Variants in RALYL observed in about 807,000 individuals in gnomAD.
The protein encoded by RALYL is RALY RNA binding protein like, also known as RNA-binding Raly-like protein.
In RALYL, 29 loss-of-function variants were observed where a neutral mutation model predicts 35.1. That is an observed-to-expected ratio of 0.83 (90% CI 0.61 to 1.13). The LOEUF is 1.13. Ranked by LOEUF, RALYL falls within the 50% of genes most tolerant of loss-of-function variation. RALYL has a pLI of 0.00. For missense variants in RALYL, 359 were observed against 360.4 expected (o/e 1.00, Z 0.03); for synonymous variants, 120 against 127.6 (o/e 0.94, Z 0.40).
intron 2 of RALYL, among the ~76,000 whole-genome samples, chr8:84,729,497 T>A (rs1015947865): frequency 1.3e-5 from 2 of 151,838 alleles, no homozygotes; most frequent in Non-Finnish European, 2.9e-5. Flanking sequence ...AGCAAACACA[T>A]TCAAAAGCTA....
intron 2 of RALYL, among the ~76,000 whole-genome samples, chr8:84,732,421 C>A (rs1906587): frequency 0.27 from 40,581 of 151,514 alleles, 5,771 homozygotes; most frequent in African/African-American, 0.34. Flanking sequence ...TAGTCACAAT[C>A]TAATAAGTAA....
At chr8:84,306,656 C>T (rs546874016) in intron 1 of RALYL, among the ~76,000 whole-genome samples, 1 of 152,284 alleles carries the variant, frequency 6.6e-6, no homozygotes, top group East Asian at 1.9e-4. Flanking sequence ...TTCAGGACAG[C>T]TCTGCAGGAG....
intron 1 of RALYL, among the ~76,000 whole-genome samples, chr8:84,423,686 A>G (rs2045968910): frequency 6.6e-6 from 1 of 151,660 alleles, no homozygotes; most frequent in Admixed American, 6.6e-5. Flanking sequence ...AGTGGCTGGT[A>G]CCGGTTGTTC....
intron 2 of RALYL, among the ~76,000 whole-genome samples, chr8:84,620,240 G>A (rs1362878744): frequency 5.9e-5 from 9 of 152,150 alleles, no homozygotes; most frequent in South Asian, 4.1e-4. Flanking sequence ...CCAATCAGAC[G>A]TAGATTTGGT....
chr8:84,907,310 TCACACACACA>T (rs71273918), intron 8 of RALYL, among the ~76,000 whole-genome samples: 11,271 of 148,064 alleles, frequency 0.076, 558 homozygotes, highest in Non-Finnish European at 0.11. Flanking sequence ...AGATATAGCG[TCACACACACA>T]CACACACACA....
chr8:84,452,241 T>G (rs1422442760), intron 1 of RALYL, among the ~76,000 whole-genome samples: 2 of 151,624 alleles, frequency 1.3e-5, no homozygotes, highest in East Asian at 3.9e-4. Flanking sequence ...TACTTTTTTT[T>G]TTTTTCCCCT....
intron 1 of RALYL, among the ~76,000 whole-genome samples, chr8:84,263,103 C>A (rs1356808644): frequency 6.6e-6 from 1 of 152,006 alleles, no homozygotes; most frequent in Non-Finnish European, 1.5e-5. Flanking sequence ...TCCACTTATA[C>A]CTTATGAATA....
chr8:84,213,202 C>T (rs1819937698), intron 1 of RALYL, among the ~76,000 whole-genome samples: 1 of 151,998 alleles, frequency 6.6e-6, no homozygotes. Context: ...ACCAGCCTGA[C>T]CAACGTGGTG....
intron 2 of RALYL, among the ~76,000 whole-genome samples, chr8:84,593,305 G>C (rs562470188): frequency 1.3e-5 from 2 of 152,014 alleles, no homozygotes; most frequent in African/African-American, 4.8e-5. Flanking sequence ...CTTCCATATT[G>C]TCTGTGTTCT....
intron 4 of RALYL, among the ~76,000 whole-genome samples, chr8:84,822,573 T>C (rs913693984): frequency 6.6e-6 from 1 of 152,160 alleles, no homozygotes; most frequent in Non-Finnish European, 1.5e-5. Context: ...GATAGTTTCC[T>C]ACTATTGTGA....
chr8:84,247,143 A>G (rs1292338004), intron 1 of RALYL, among the ~76,000 whole-genome samples: 1 of 152,202 alleles, frequency 6.6e-6, no homozygotes, highest in East Asian at 1.9e-4. Context: ...GGCAAAGTAT[A>G]CAAGTTTCTT....
intron 2 of RALYL, among the ~76,000 whole-genome samples, chr8:84,568,894 G>A (rs1164417503): frequency 1.1e-4 from 16 of 151,792 alleles, no homozygotes; most frequent in African/African-American, 3.6e-4. Context: ...TTGTTGATGG[G>A]GTTGTTTTTT....
intron 1 of RALYL, among the ~76,000 whole-genome samples, chr8:84,425,747 A>T (rs984665350): frequency 6.6e-6 from 1 of 151,526 alleles, no homozygotes; most frequent in Non-Finnish European, 1.5e-5. Flanking sequence ...ATAGCATGCA[A>T]TTGCAGCATC....
chr8:84,203,973 G>T (rs976288069), intron 1 of RALYL, among the ~76,000 whole-genome samples: 3 of 151,852 alleles, frequency 2.0e-5, no homozygotes, highest in African/African-American at 7.3e-5. Context: ...GGAATTGAAT[G>T]TACTTCTTTA....
intron 2 of RALYL, among the ~76,000 whole-genome samples, chr8:84,678,431 T>C (rs760676595): frequency 6.6e-6 from 1 of 151,756 alleles, no homozygotes; most frequent in African/African-American, 2.4e-5. Context: ...ACCCGGATAA[T>C]TTTTTTCACA....
At chr8:84,473,008 A>T (rs758918790) in intron 1 of RALYL, among the ~76,000 whole-genome samples, 2 of 152,244 alleles carry the variant, frequency 1.3e-5, no homozygotes, top group South Asian at 4.1e-4. Flanking sequence ...GTCACTCAAA[A>T]GTGGTGAAAA....
intron 1 of RALYL, among the ~76,000 whole-genome samples, chr8:84,380,262 C>T (rs1857712055): frequency 6.6e-6 from 1 of 151,876 alleles, no homozygotes; most frequent in Non-Finnish European, 1.5e-5. Context: ...TCACTCCTCA[C>T]ATCCAATCCA....
chr8:84,581,833 G>A (rs1422552274), intron 2 of RALYL, among the ~76,000 whole-genome samples: 1 of 152,106 alleles, frequency 6.6e-6, no homozygotes. Context: ...TTTTAACTGA[G>A]ACAAATTTCT....
intron 1 of RALYL, among the ~76,000 whole-genome samples, chr8:84,253,610 C>T (rs1042512758): frequency 7.9e-5 from 12 of 151,938 alleles, no homozygotes; most frequent in East Asian, 3.9e-4. Flanking sequence ...CTTCAACCCC[C>T]GGGGTGCTGT....
Sources: allele counts gnomAD v4.1 joint callset (sites outside exome capture counted in the v4.1 genomes callset), GRCh38; gene constraint gnomAD v4.1.1; transcripts MANE v1.5; gene names NCBI Gene and HGNC (gene_info 2026-07-23, HGNC 2026-07-21).